The following ENTPD3 variants were observed in gnomAD, a reference collection of about 807,000 sequenced individuals.
ENTPD3 encodes the protein ectonucleoside triphosphate diphosphohydrolase 3, also known as CD39 antigen-like 3.
In ENTPD3, 60 loss-of-function variants were observed where a neutral mutation model predicts 51.2. The ratio of observed to expected loss-of-function variants is 1.17; its 90% CI spans 0.95 to 1.45. The LOEUF (loss-of-function observed/expected upper bound fraction) is 1.45, where lower values mean the gene tolerates loss of function less well. Among genes scored for constraint, ENTPD3 ranks in the 40% most tolerant of loss-of-function variants. The pLI, the probability that ENTPD3 is intolerant of heterozygous loss-of-function variation, is 0.00. For missense variants in ENTPD3, 593 were observed against 641.1 expected (o/e 0.93, Z 0.81); for synonymous variants, 221 against 238.4 (o/e 0.93, Z 0.67).
rs756074694 is a variant in ENTPD3, at chr3:40,415,833, T to C, written c.598-7T>C. Reference sequence around the variant, plus strand: ...TTTCTTTCTCACTTCCTTTTCCCACTGTGCAGAAGAACCTGTGGCACATGT... The same window carrying C: ...TTTCTTTCTCACTTCCTTTTCCCACCGTGCAGAAGAACCTGTGGCACATGT... On this transcript the variant is annotated splice_polypyrimidine_tract_variant and splice_region_variant and intron_variant, in intron 6 of 10. Transcript: ENST00000301825. 9 of 1,611,796 alleles carry C rather than the reference T, an allele frequency of 5.6e-6. No homozygotes were observed. In the South Asian group the frequency reaches 9.9e-5, roughly 18 times the overall value.
intron 5 of ENTPD3, 105 bp downstream of exon 5, chr3:40,412,067 C>A (rs555549904): frequency 1.7e-6 from 2 of 1,150,538 alleles, no homozygotes; most frequent in African/African-American, 1.6e-5. Context: ...CCCTCGCCCC[C>A]CAAAAAGAAG....
chr3:40,427,169 T>C, intron 10 of ENTPD3, 103 bp from the exon 11 acceptor site: 1 of 963,234 alleles, frequency 1.0e-6, no homozygotes, highest in South Asian at 1.5e-5. Flanking sequence ...TGGGCCACAA[T>C]TTCCCATGGG....
intron 4 of ENTPD3, among the ~76,000 whole-genome samples, chr3:40,410,559 G>A (rs1271202887): frequency 6.6e-6 from 1 of 151,972 alleles, no homozygotes. Flanking sequence ...CAGATACTGT[G>A]CCTCCTATTG....
At chr3:40,413,182 T>G (rs1361298763) in intron 5 of ENTPD3, among the ~76,000 whole-genome samples, 1 of 152,178 alleles carries the variant, frequency 6.6e-6, no homozygotes, top group Non-Finnish European at 1.5e-5. Context: ...CTCATGAAGT[T>G]TTCAATTTGG....
At chr3:40,393,213 G>T (rs1478742578) in intron 3 of ENTPD3, among the ~76,000 whole-genome samples, 1 of 152,148 alleles carries the variant, frequency 6.6e-6, no homozygotes, top group Non-Finnish European at 1.5e-5. Flanking sequence ...GTAGGGGTCA[G>T]CAAACATTTC....
chr3:40,427,230 G>A (rs1264583002), intron 10 of ENTPD3, 42 bp from the exon 11 acceptor site: 4 of 1,503,732 alleles, frequency 2.7e-6, no homozygotes, highest in African/African-American at 2.7e-5. Context: ...TTGCAGCCTT[G>A]AGCCTTGCCC....
rs770752574 is a variant in ENTPD3, at chr3:40,422,957, G to T, written c.939G>T (p.Arg313Ser). ...ATAGCCTGTGCACTGTGGACCAGAG[G>T]CCAGAAAGTTATAACCCCAATGATG... is the stretch of plus-strand genomic sequence containing the variant. The part of the protein sequence containing the change: ...VFDSLCTVDQ[R>S]PESYNPNDVI... Residue 313 changes from arginine to serine, a missense_variant, in exon 8 of 11, where the codon AGG becomes AGT. Physicochemically the swap from Arg to Ser is moderately radical, Grantham distance 110. Coordinates refer to ENST00000301825, the MANE Select transcript of ENTPD3 (RefSeq NM_001248.4). 1.2e-6 allele frequency: 2 copies of T among 1,614,072 alleles called. No individual in the cohort carries two copies. Among genetic ancestry groups the T allele is most frequent in the South Asian group, 2.2e-5 (2 of 91,070 alleles).
Position 40,411,246 on chromosome 3 carries a change from G to T in ENTPD3, c.287-566G>T, listed in dbSNP as rs567955480. Among the ~76,000 whole-genome samples the T allele has an allele frequency of 1.3e-5, 2 of 150,580 alleles. 1 individual carries two copies. Among genetic ancestry groups the T allele is most frequent in the South Asian group, 4.2e-4 (2 of 4,752 alleles). On this transcript the variant is annotated intron_variant, in intron 4 of 10. Transcript: ENST00000301825. ...GTGGAGGTTGTAGTGAGCCGAGATCGTGCCACTGTACTCCAGGCTGGGCGA... is the reference window on the plus strand; with the variant it reads ...GTGGAGGTTGTAGTGAGCCGAGATCTTGCCACTGTACTCCAGGCTGGGCGA...
At chr3:40,419,977 T>G (rs555471704) in intron 7 of ENTPD3, among the ~76,000 whole-genome samples, 1 of 152,120 alleles carries the variant, frequency 6.6e-6, no homozygotes, top group Non-Finnish European at 1.5e-5. Context: ...ACTTAAAGAA[T>G]GCCATAACAA....
At position 40,406,518 on chromosome 3, in the gene ENTPD3, C is replaced by T. The variant is rs542157538; in HGVS notation, c.287-5294C>T. Reference sequence around the variant, plus strand: ...CGGATCACTCAGTTGATATAGAACACGTAGTCAGGGGCTAAGATTGGAAGC... The same window carrying T: ...CGGATCACTCAGTTGATATAGAACATGTAGTCAGGGGCTAAGATTGGAAGC... On this transcript the variant is annotated intron_variant, in intron 4 of 10. Coordinates refer to ENST00000301825, the MANE Select transcript of ENTPD3 (RefSeq NM_001248.4). Among the ~76,000 whole-genome samples the T allele has an allele frequency of 1.9e-4, 29 of 152,294 alleles. No homozygotes were observed. In the South Asian group the frequency reaches 3.3e-3, roughly 17 times the overall value.
chr3:40,420,883 A>G (rs1955855025), intron 7 of ENTPD3, among the ~76,000 whole-genome samples: 1 of 152,040 alleles, frequency 6.6e-6, no homozygotes, highest in African/African-American at 2.4e-5. Context: ...GGCCAGGTGC[A>G]GTGGCTCACA....
At position 40,400,939 on chromosome 3, in the gene ENTPD3, G is replaced by A. The variant is rs777732815; in HGVS notation, c.214G>A (p.Val72Met). The A allele has an allele frequency of 1.2e-5, 20 of 1,613,690 alleles. No homozygotes were observed. Among genetic ancestry groups the A allele is most frequent in the East Asian group, 4.5e-5 (2 of 44,890 alleles). Residue 72 changes from valine (V) to methionine (M), a missense_variant, in exon 4 of 11, where the codon GTG (valine) becomes ATG (methionine). Val to Met is a conservative substitution (Grantham distance 21). Coordinates refer to ENST00000301825, the MANE Select transcript of ENTPD3 (RefSeq NM_001248.4). ...DAGSSRTTVY[V>M]YQWPAEKENN... ...CGGGTCTTCAAGAACCACAGTCTACGTGTATCAATGGCCAGCAGAAAAAGA... is the reference window on the plus strand; with the variant it reads ...CGGGTCTTCAAGAACCACAGTCTACATGTATCAATGGCCAGCAGAAAAAGA...
chr3:40,392,017 T>C lies in ENTPD3; in HGVS notation c.41-6T>C, dbSNP rs770021689. The C allele has an allele frequency of 9.9e-6, 16 of 1,613,890 alleles. No individual in the cohort carries two copies. The highest frequency in any genetic ancestry group is 2.5e-6 in the Non-Finnish European group (3 of 1,179,998). On this transcript the variant is annotated splice_region_variant and splice_polypyrimidine_tract_variant and intron_variant, in intron 2 of 10. Coordinates refer to ENST00000301825, the MANE Select transcript of ENTPD3 (RefSeq NM_001248.4). ...CTCAAGTGTCTTCTGGGTCTTCTCA[T>C]TTTAGGCCTCAAGGCCCTCTACCGA...
intron 3 of ENTPD3, among the ~76,000 whole-genome samples, chr3:40,397,119 C>CTTTTTTTTTTTTTTTTTTT (rs3064608): frequency 9.9e-6 from 1 of 101,244 alleles, no homozygotes; most frequent in Admixed American, 1.4e-4. Context: ...TAATTAGTTT[C>CTTTTTTTTTTTTTTTTTTT]TTTTTTTTTT....
chr3:40,412,967 T>C (rs1955668245), intron 5 of ENTPD3, among the ~76,000 whole-genome samples: 1 of 152,220 alleles, frequency 6.6e-6, no homozygotes, highest in African/African-American at 2.4e-5. Context: ...ATCTAAAAAC[T>C]CCTTCCTTTT....
At chr3:40,401,116 T>C (rs1205060353) in intron 4 of ENTPD3, 105 bp downstream of exon 4, 1 of 826,144 alleles carries the variant, frequency 1.2e-6, no homozygotes, top group Admixed American at 1.8e-5. Context: ...AGGCAGGGAA[T>C]GAGCATTGGA....
chr3:40,423,623 A>G (rs908047220), intron 9 of ENTPD3, among the ~76,000 whole-genome samples: 1 of 152,230 alleles, frequency 6.6e-6, no homozygotes, highest in African/African-American at 2.4e-5. Flanking sequence ...TAAGCACTCA[A>G]TGAGTTTAAA....
At chr3:40,420,662 G>A (rs934991232) in intron 7 of ENTPD3, among the ~76,000 whole-genome samples, 1 of 152,082 alleles carries the variant, frequency 6.6e-6, no homozygotes, top group South Asian at 2.1e-4. Flanking sequence ...AAAGGGGCCT[G>A]TTTGCCTCCT....
intron 7 of ENTPD3, among the ~76,000 whole-genome samples, chr3:40,420,683 A>G (rs1955850793): frequency 6.7e-6 from 1 of 149,896 alleles, no homozygotes; most frequent in Non-Finnish European, 1.5e-5. Flanking sequence ...TCTCAGTCAT[A>G]TGAAGATTTT....
Sources: allele counts gnomAD v4.1 joint callset (sites outside exome capture counted in the v4.1 genomes callset), GRCh38; gene constraint gnomAD v4.1.1; transcripts MANE v1.5; gene names NCBI Gene and HGNC (gene_info 2026-07-23, HGNC 2026-07-21).